Variants in F5 observed in about 807,000 individuals in gnomAD.
The protein encoded by F5 is activated protein c cofactor.
F5 carries 138 observed loss-of-function variants against 216.4 expected under a neutral mutation model. That is an observed-to-expected ratio of 0.64 (90% confidence interval 0.56 to 0.73). F5 has a LOEUF of 0.73. F5 is among the 30% of genes least tolerant of loss of function. F5 has a pLI of 0.00. For missense variants in F5, 2,403 were observed against 2,674.0 expected, an observed-to-expected ratio of 0.90 and a Z score of 2.24; for synonymous variants, 916 against 930.7, an observed-to-expected ratio of 0.98 and a Z score of 0.29.
intron 4 of F5, among the ~76,000 whole-genome samples, chr1:169,560,195 T>C (rs1185931969): frequency 6.6e-6 from 1 of 152,148 alleles, no homozygotes; most frequent in Non-Finnish European, 1.5e-5. Flanking sequence ...GCCAAAGTTC[T>C]TTCCAAGAGC....
rs774445274 is a variant in F5 at position 169,515,547 on chromosome 1, T to C, written c.6425A>G (p.Lys2142Arg). Residue 2142 changes from lysine (K) to arginine (R), a missense_variant, in exon 24 of 25, where the codon AAG becomes AGG. By Grantham distance (26) the Lys-to-Arg change is conservative. Coordinates refer to ENST00000367797, the MANE Select transcript of F5 (RefSeq NM_000130.5). ...KITAIITQGCKSLSSEMYVKS... is the reference protein window; with the variant it reads ...KITAIITQGCRSLSSEMYVKS... ...TACATACATTTCAGAGGACAGAGACTTGCAGCCCTGTGTTATAATTGCCGT... is the reference window on the plus strand; with the variant it reads ...TACATACATTTCAGAGGACAGAGACCTGCAGCCCTGTGTTATAATTGCCGT... The C allele has an allele frequency of 6.2e-7, 1 of 1,613,616 alleles. No homozygotes were observed.
rs1431536479 is a variant in F5 at position 169,525,894 on chromosome 1, G to T, written c.5716+7C>A. 2 of 1,597,704 alleles carry T rather than the reference G, an allele frequency of 1.3e-6. No individual in the cohort carries two copies. Among genetic ancestry groups the T allele is most frequent in the South Asian group, 1.1e-5 (1 of 90,740 alleles). The stretch of plus-strand genomic sequence containing the variant: ...CCAAACCAAATATCACATGGCTCTT[G>T]TGATACCTCTGTCCATGATAAGAAA... On this transcript the variant is annotated splice_region_variant and intron_variant, in intron 18 of 24. Coordinates refer to ENST00000367797, the MANE Select transcript of F5 (RefSeq NM_000130.5).
intron 17 of F5, among the ~76,000 whole-genome samples, chr1:169,527,523 T>C (rs1164559144): frequency 6.6e-6 from 1 of 152,158 alleles, no homozygotes; most frequent in African/African-American, 2.4e-5. Context: ...ATTAGGGTGA[T>C]AGGGCCTAGA....
In F5 at chr1:169,540,800, G is replaced by A. The variant is rs200497509; in HGVS notation, c.4290C>T (p.Ser1430=). ...AGAGAGTCACCTGGCTGAGGTCTGGGGAAAGGGACATCTGACCAAAGTTTG... is the reference window on the plus strand; with the variant it reads ...AGAGAGTCACCTGGCTGAGGTCTGGAGAAAGGGACATCTGACCAAAGTTTG... ...LSPNFGQMSL[S]PDLSQVTLSP... The change falls in exon 13 of 25, where the codon TCC becomes TCT. Residue 1430 remains serine (S), a synonymous_variant. Coordinates refer to ENST00000367797, the MANE Select transcript of F5 (RefSeq NM_000130.5). 58 of 1,612,442 alleles carry A rather than the reference G, an allele frequency of 3.6e-5. No individual in the cohort carries two copies. The highest frequency in any genetic ancestry group is 4.7e-5 in the Non-Finnish European group (55 of 1,179,286).
chr1:169,527,054 G>C (rs1659473905), intron 17 of F5, among the ~76,000 whole-genome samples: 1 of 152,118 alleles, frequency 6.6e-6, no homozygotes, highest in African/African-American at 2.4e-5. Context: ...CACCCAAAGT[G>C]CTGTCGAGGG....
chr1:169,514,574 A>C, intron 24 of F5, 115 bp from the exon 25 acceptor site: 1 of 852,176 alleles, frequency 1.2e-6, no homozygotes, highest in Non-Finnish European at 1.9e-6. Context: ...GTCCAGTGGC[A>C]CAGTCATGGC....
rs1484994554 is a variant in F5 at position 169,586,425 on chromosome 1, G to A, written c.-39C>T. Reference sequence around the variant, plus strand: ...CTCCCGCTGGCTGCCACCACCCCAGGACCTGGGCAGCGCTTGCCGAGCTGC... The same window carrying A: ...CTCCCGCTGGCTGCCACCACCCCAGAACCTGGGCAGCGCTTGCCGAGCTGC... On this transcript the variant is annotated 5_prime_UTR_variant, in exon 1 of 25. Transcript: ENST00000367797. 9.4e-6 allele frequency: 15 copies of A among 1,598,722 alleles called. No individual in the cohort carries two copies. Among genetic ancestry groups the A allele is most frequent in the Non-Finnish European group, 8.5e-6 (10 of 1,175,798 alleles).
chr1:169,558,448 T>A (rs1248875014), intron 5 of F5, among the ~76,000 whole-genome samples: 1 of 152,240 alleles, frequency 6.6e-6, no homozygotes, highest in Non-Finnish European at 1.5e-5. Flanking sequence ...CAGATGGCAT[T>A]AGAGAATAAC....
chr1:169,566,827 G>A (rs74581078), intron 3 of F5, among the ~76,000 whole-genome samples: 1,655 of 152,116 alleles, frequency 0.011, 8 homozygotes, highest in Middle Eastern at 0.02. Context: ...GGGAATACAT[G>A]TTCACATTTT....
chr1:169,514,537 G>C, intron 24 of F5, 78 bp from the exon 25 acceptor site: 1 of 1,302,744 alleles, frequency 7.7e-7, no homozygotes, highest in Non-Finnish European at 1.1e-6. Context: ...TTTTTAGACA[G>C]GGTCTTATTC....
intron 11 of F5, 92 bp downstream of exon 11, chr1:169,546,350 T>G (rs1660002115): frequency 6.7e-7 from 1 of 1,496,900 alleles, no homozygotes; most frequent in Non-Finnish European, 9.2e-7. Flanking sequence ...CCTTAGCGAG[T>G]AGATTTTAAT....
At chr1:169,544,062 T>C (rs867054428) in intron 12 of F5, among the ~76,000 whole-genome samples, 26 of 152,228 alleles carry the variant, frequency 1.7e-4, no homozygotes, top group Non-Finnish European at 1.3e-4. Flanking sequence ...CTGTTGTATA[T>C]TTTTACTTCC....
Position 169,523,359 on chromosome 1 carries a change from T to C in F5, c.5893-7A>G, listed in dbSNP as rs1456252207. 4 of 1,613,936 alleles carry C rather than the reference T, an allele frequency of 2.5e-6. No homozygotes were observed. The highest frequency in any genetic ancestry group is 2.2e-5 in the East Asian group (1 of 44,852). ...CTTCCTTTTGCATGTCCACCTGCAA[T>C]ATAGGAAAGCCAGTAAACAGAACTG... On this transcript the variant is annotated splice_polypyrimidine_tract_variant and splice_region_variant and intron_variant, in intron 20 of 24. Coordinates refer to ENST00000367797, the MANE Select transcript of F5 (RefSeq NM_000130.5).
Position 169,541,318 on chromosome 1 carries a change from G to T in F5, c.3772C>A (p.Leu1258Ile). 6.4e-7 allele frequency: 1 copy of T among 1,574,732 alleles called. No individual in the cohort carries two copies. Among genetic ancestry groups the T allele is most frequent in the South Asian group, 1.1e-5 (1 of 89,488 alleles). ...TLSLDLSQTN[L>I]SPELSQTNLS... is the part of the protein sequence containing the mutation. ...TTTGTCTGACTGAGTTCTGGAGAGA[G>T]GTTTGTCTGGCTGAGGTCTAAAGAA... Residue 1258 changes from leucine to isoleucine, a missense_variant, in exon 13 of 25, where the codon CTC (leucine) becomes ATC (isoleucine). Leu to Ile is a conservative substitution (Grantham distance 5, BLOSUM62 2). This residue lies in a region of F5 where 1,425 missense variants were observed against 1,554.8 expected (regional missense o/e 0.92). Coordinates refer to ENST00000367797, the MANE Select transcript of F5 (RefSeq NM_000130.5).
chr1:169,541,490 G>T lies in F5; in HGVS notation c.3600C>A (p.Ser1200Arg). The change falls in exon 13 of 25, where the codon AGC (serine) becomes AGA (arginine). Residue 1200 changes from serine to arginine, a missense_variant. Coordinates refer to ENST00000367797, the MANE Select transcript of F5 (RefSeq NM_000130.5). ...LSQVTLSPELSQTNLSPDLSH... is the reference protein window; with the variant it reads ...LSQVTLSPELRQTNLSPDLSH... ...TGAGGTCTGGAGAGAGGTTTGTCTG[G>T]CTGAGTTCTGGAGAGAGGGTCACCT... is the stretch of plus-strand genomic sequence containing the variant. The T allele has an allele frequency of 6.2e-7, 1 of 1,613,668 alleles. No homozygotes were observed. The highest frequency in any genetic ancestry group is 1.1e-5 in the South Asian group (1 of 90,958).
chr1:169,586,422 C>A lies in F5; in HGVS notation c.-36G>T. 6.2e-7 allele frequency: 1 copy of A among 1,601,814 alleles called. No individual in the cohort carries two copies. On this transcript the variant is annotated 5_prime_UTR_variant, in exon 1 of 25. Coordinates refer to ENST00000367797, the MANE Select transcript of F5 (RefSeq NM_000130.5). ...CTGCTCCCGCTGGCTGCCACCACCCCAGGACCTGGGCAGCGCTTGCCGAGC... is the reference window on the plus strand; with the variant it reads ...CTGCTCCCGCTGGCTGCCACCACCCAAGGACCTGGGCAGCGCTTGCCGAGC...
At chr1:169,530,359 A>G (rs1453579694) in intron 15 of F5, among the ~76,000 whole-genome samples, 2 of 152,224 alleles carry the variant, frequency 1.3e-5, no homozygotes, top group African/African-American at 4.8e-5. Flanking sequence ...ATTGACAGAT[A>G]AAATTGTATG....
intron 2 of F5, among the ~76,000 whole-genome samples, chr1:169,572,699 G>A (rs1353143498): frequency 5.3e-5 from 8 of 152,180 alleles, no homozygotes; most frequent in African/African-American, 1.9e-4. Context: ...TGATGCGAGA[G>A]GGTAGTTACT....
chr1:169,512,767 G>C lies in F5; in HGVS notation c.*1546C>G, dbSNP rs934721576. On this transcript the variant is annotated 3_prime_UTR_variant, in exon 25 of 25. Coordinates refer to ENST00000367797, the MANE Select transcript of F5 (RefSeq NM_000130.5). ...TTTGAAACTCTCATATACATTCATA[G>C]GGCTTACCCCACTGGTATGGGCAAC... 6.6e-6 allele frequency among the ~76,000 whole-genome samples: 1 copy of C among 152,072 alleles called. No individual in the cohort carries two copies. The highest frequency in any genetic ancestry group is 2.4e-5 in the African/African-American group (1 of 41,426).
Sources: allele counts gnomAD v4.1 joint callset (sites outside exome capture counted in the v4.1 genomes callset), GRCh38; gene constraint gnomAD v4.1.1; regional missense constraint gnomAD v4.1.1; transcripts MANE v1.5; gene names NCBI Gene and HGNC (gene_info 2026-07-23, HGNC 2026-07-21).